The following RPS6KC1 variants were observed in gnomAD, a reference collection of about 807,000 sequenced individuals.
The protein encoded by RPS6KC1 is inactive ribosomal protein S6 kinase delta-1.
In RPS6KC1, 54 loss-of-function variants were observed where a neutral mutation model predicts 103.8. The observed-to-expected ratio is 0.52, with a 90% CI of 0.42 to 0.65. The LOEUF (loss-of-function observed/expected upper bound fraction) is 0.65. Among genes scored for constraint, RPS6KC1 ranks in the 30% least tolerant of loss-of-function variants. The pLI, the probability that RPS6KC1 is intolerant of heterozygous loss-of-function variation, is 0.00. For missense variants in RPS6KC1, 1,151 were observed against 1,253.8 expected (o/e 0.92, Z 1.24); for synonymous variants, 439 against 438.7 (o/e 1.00, Z -0.01).
At chr1:213,064,429 G>A (rs1248268467) in intron 1 of RPS6KC1, among the ~76,000 whole-genome samples, 3 of 150,962 alleles carry the variant, frequency 2.0e-5, no homozygotes, top group African/African-American at 4.9e-5. Flanking sequence ...GTACAATGGC[G>A]CAATCTCAGC....
chr1:213,111,965 T>C (rs1411955875), intron 4 of RPS6KC1, among the ~76,000 whole-genome samples: 5 of 152,162 alleles, frequency 3.3e-5, no homozygotes, highest in Admixed American at 6.5e-5. Context: ...TTGTCGCTCC[T>C]AAAGAGAATA....
the RPS6KC1 span, among the ~76,000 whole-genome samples, chr1:213,470,582 A>T: frequency 6.8e-6 from 1 of 147,340 alleles, no homozygotes; most frequent in Non-Finnish European, 1.5e-5. Flanking sequence ...CCTTTATTCC[A>T]GTCAGCTAGA....
chr1:213,240,273 C>T (rs2094321438), intron 10 of RPS6KC1, among the ~76,000 whole-genome samples: 1 of 152,032 alleles, frequency 6.6e-6, no homozygotes, highest in Non-Finnish European at 1.5e-5. Context: ...TTGTAGTATA[C>T]AATTTTAAAC....
chr1:213,862,678 C>T, the RPS6KC1 span, among the ~76,000 whole-genome samples: 3 of 152,170 alleles, frequency 2.0e-5, no homozygotes, highest in Non-Finnish European at 4.4e-5. Flanking sequence ...ATGTAAATAA[C>T]TCACTGTTCT....
At chr1:213,692,402 AAT>A in the RPS6KC1 span, among the ~76,000 whole-genome samples, 5 of 150,492 alleles carry the variant, frequency 3.3e-5, no homozygotes, top group African/African-American at 9.8e-5. Flanking sequence ...AAAAAAAAAA[AAT>A]AAATAAAGTT....
chr1:213,323,380 T>C, the RPS6KC1 span, among the ~76,000 whole-genome samples: 2 of 152,138 alleles, frequency 1.3e-5, no homozygotes, highest in Non-Finnish European at 2.9e-5. Flanking sequence ...AGGTGCAGGA[T>C]GAAGGTGGCA....
chr1:213,405,284 C>T, the RPS6KC1 span, among the ~76,000 whole-genome samples: 1 of 152,238 alleles, frequency 6.6e-6, no homozygotes, highest in Non-Finnish European at 1.5e-5. Context: ...GGATTTTCTC[C>T]AGGTTCCCTG....
the RPS6KC1 span, among the ~76,000 whole-genome samples, chr1:213,796,572 G>A: frequency 1.2e-3 from 177 of 152,218 alleles, no homozygotes; most frequent in Non-Finnish European, 2.5e-3. Flanking sequence ...CCTCAATCAT[G>A]TTCACCTTTT....
chr1:213,860,894 T>C, the RPS6KC1 span, among the ~76,000 whole-genome samples: 82 of 151,968 alleles, frequency 5.4e-4, no homozygotes, highest in Non-Finnish European at 1.0e-3. Flanking sequence ...CTGCAACCTC[T>C]GCCTCCTGGG....
the RPS6KC1 span, among the ~76,000 whole-genome samples, chr1:213,721,005 G>A: frequency 6.6e-6 from 1 of 152,216 alleles, no homozygotes; most frequent in Admixed American, 6.5e-5. Flanking sequence ...TATTGAAGAA[G>A]TACTTGAGCA....
intron 4 of RPS6KC1, among the ~76,000 whole-genome samples, chr1:213,108,392 CTG>C (rs2082690123): frequency 2.0e-5 from 3 of 152,116 alleles, no homozygotes; most frequent in East Asian, 3.9e-4. Context: ...AGTAAATTGA[CTG>C]TAATTATAAT....
chr1:213,521,976 A>G, the RPS6KC1 span, among the ~76,000 whole-genome samples: 1 of 152,218 alleles, frequency 6.6e-6, no homozygotes, highest in Admixed American at 6.5e-5. Context: ...GTGAATCACA[A>G]ATGTTCTTAA....
chr1:213,284,837 A>G, the RPS6KC1 span, among the ~76,000 whole-genome samples: 2 of 152,230 alleles, frequency 1.3e-5, no homozygotes, highest in Non-Finnish European at 2.9e-5. Context: ...CTAGAAGAAA[A>G]AGCACATGAT....
At chr1:213,053,963 G>A (rs181227135) in intron 1 of RPS6KC1, among the ~76,000 whole-genome samples, 1 of 152,066 alleles carries the variant, frequency 6.6e-6, no homozygotes, top group Non-Finnish European at 1.5e-5. Flanking sequence ...AGCCACTCAA[G>A]TAGCTGGGAT....
chr1:213,638,107 C>G, the RPS6KC1 span, among the ~76,000 whole-genome samples: 1 of 152,100 alleles, frequency 6.6e-6, no homozygotes, highest in Non-Finnish European at 1.5e-5. Context: ...GTGTGAGCCA[C>G]TGTTCCTGGC....
chr1:213,157,689 C>T (rs2090051651), intron 6 of RPS6KC1, among the ~76,000 whole-genome samples: 1 of 152,092 alleles, frequency 6.6e-6, no homozygotes, highest in Admixed American at 6.6e-5. Flanking sequence ...TCTGTAGATT[C>T]AGAATTCAGG....
At chr1:213,278,185 A>G (rs904661067), downstream of RPS6KC1, among the ~76,000 whole-genome samples, 1 of 151,986 alleles carries the variant, frequency 6.6e-6, no homozygotes, top group Non-Finnish European at 1.5e-5. Context: ...ATCCTGGGCA[A>G]CAGACTGTGA....
At chr1:213,404,424 A>G in the RPS6KC1 span, among the ~76,000 whole-genome samples, 2 of 152,122 alleles carry the variant, frequency 1.3e-5, no homozygotes, top group African/African-American at 4.8e-5. Flanking sequence ...AATTACCACT[A>G]TTTTCATTTG....
At chr1:213,537,166 G>GT in the RPS6KC1 span, among the ~76,000 whole-genome samples, 1 of 152,136 alleles carries the variant, frequency 6.6e-6, no homozygotes, top group Non-Finnish European at 1.5e-5. Flanking sequence ...TCCATTCTCT[G>GT]TAAGGCCGTG....
Sources: allele counts gnomAD v4.1 joint callset (sites outside exome capture counted in the v4.1 genomes callset), GRCh38; gene constraint gnomAD v4.1.1; transcripts MANE v1.5; gene names NCBI Gene and HGNC (gene_info 2026-07-23, HGNC 2026-07-21).